The following TRAPPC9 variants were observed in gnomAD, a reference collection of about 807,000 sequenced individuals.
TRAPPC9 encodes trafficking protein particle complex subunit 9, also known as IKK2 binding protein.
Under a neutral mutation model 124.0 loss-of-function variants are expected in TRAPPC9, and 83 were observed. The observed-to-expected ratio is 0.67, with a 90% CI of 0.56 to 0.80. TRAPPC9 has a LOEUF of 0.80. Ranked by LOEUF, TRAPPC9 falls within the 30% of genes least tolerant of loss-of-function variation. TRAPPC9 has a pLI of 0.00. For synonymous variants in TRAPPC9, 638 were observed against 617.5 expected (o/e 1.03, Z -0.49); for missense variants, 1,302 against 1,508.3 (o/e 0.86, Z 2.27).
At position 139,884,449 on chromosome 8, in the gene TRAPPC9, C is replaced by T. The variant is rs148690859; in HGVS notation, c.3055+1430G>A. Among the ~76,000 whole-genome samples the T allele has an allele frequency of 6.9e-3, 1,049 of 152,330 alleles. 6 individuals carry two copies. The highest frequency in any genetic ancestry group is 0.014 in the Middle Eastern group (4 of 294). ...CCACCCCAAGTCACTCTGTTCTTTG[C>T]TCTTGGGCCCCTGTTCTGCCTGTGG... On this transcript the variant is annotated intron_variant, in intron 21 of 22. Transcript: ENST00000438773.
intron 7 of TRAPPC9, among the ~76,000 whole-genome samples, chr8:140,382,159 C>A (rs1207697227): frequency 6.6e-6 from 1 of 152,174 alleles, no homozygotes; most frequent in East Asian, 1.9e-4. Context: ...AATGAAGTGG[C>A]GGTTCCAAGA....
intron 12 of TRAPPC9, among the ~76,000 whole-genome samples, chr8:140,290,168 A>C (rs537973809): frequency 1.3e-5 from 2 of 152,258 alleles, no homozygotes; most frequent in South Asian, 4.1e-4. Context: ...CTGTCCCCTC[A>C]GGGCCTTGCC....
intron 21 of TRAPPC9, among the ~76,000 whole-genome samples, chr8:139,746,646 C>T (rs895618535): frequency 1.3e-5 from 2 of 152,206 alleles, no homozygotes; most frequent in Admixed American, 6.5e-5. Context: ...ACCAAGAACA[C>T]CATGAGATAT....
intron 19 of TRAPPC9, among the ~76,000 whole-genome samples, chr8:139,978,507 T>C (rs897196920): frequency 1.3e-5 from 2 of 152,208 alleles, no homozygotes; most frequent in African/African-American, 4.8e-5. Context: ...TGAAATAATA[T>C]GATTGATTGG....
rs538208103 is a variant in TRAPPC9, at chr8:139,834,124, G to A, written c.3055+51755C>T. Among the ~76,000 whole-genome samples, 12 of 152,300 alleles carry A rather than the reference G, an allele frequency of 7.9e-5. No homozygotes were observed. In the South Asian group the frequency reaches 2.5e-3, roughly 32 times the overall value. ...GTGCATAGAGTTGTTGTAAGCCTGA[G>A]GTGAGGTTCTGTGTACCCAGCGCCC... is the stretch of plus-strand genomic sequence containing the variant. On this transcript the variant is annotated intron_variant, in intron 21 of 22. Coordinates refer to ENST00000438773, the MANE Select transcript of TRAPPC9 (RefSeq NM_001160372.4).
In TRAPPC9 at chr8:139,988,772, T is replaced by A; in HGVS notation, c.2764A>T (p.Thr922Ser). 1 of 1,551,438 alleles carries A rather than the reference T, an allele frequency of 6.4e-7. No individual in the cohort carries two copies. The highest frequency in any genetic ancestry group is 8.7e-7 in the Non-Finnish European group (1 of 1,146,976). The change falls in exon 19 of 23, where the codon ACC (threonine) becomes TCC (serine). Residue 922 changes from threonine (T) to serine (S), a missense_variant. Around this residue, in one of 3 missense-constraint regions of TRAPPC9, gnomAD observed 640 missense variants for 679.3 expected, o/e 0.94. Transcript: ENST00000438773. The stretch of plus-strand genomic sequence containing the variant: ...AGGATGAGTGCCTCGCTGCTCCTGG[T>A]GCTGACGGTCAGCTCATGCTCGGTG... ...NSTEHELTVSTRSSEALILHA... is the reference protein window; with the variant it reads ...NSTEHELTVSSRSSEALILHA...
intron 17 of TRAPPC9, among the ~76,000 whole-genome samples, chr8:140,176,035 G>C (rs144408566): frequency 1.3e-5 from 2 of 152,192 alleles, no homozygotes; most frequent in African/African-American, 4.8e-5. Flanking sequence ...GGAAACCGTC[G>C]CAACTCAGTG....
chr8:139,891,954 GC>G (rs770209785), intron 20 of TRAPPC9, among the ~76,000 whole-genome samples: 1 of 152,244 alleles, frequency 6.6e-6, no homozygotes, highest in African/African-American at 2.4e-5. Flanking sequence ...AGCCCACTCT[GC>G]CCCCAGAGGC....
chr8:140,292,139 C>T (rs1339412172), intron 11 of TRAPPC9, among the ~76,000 whole-genome samples: 1 of 151,916 alleles, frequency 6.6e-6, no homozygotes, highest in Non-Finnish European at 1.5e-5. Context: ...TTTCCATCAC[C>T]CCCTCCTCCC....
At chr8:140,207,598 G>A (rs1402176194) in intron 17 of TRAPPC9, among the ~76,000 whole-genome samples, 61 of 152,328 alleles carry the variant, frequency 4.0e-4, no homozygotes, top group Non-Finnish European at 2.2e-4. Context: ...TAAGAGAATA[G>A]TTCGTGAGTC....
chr8:140,149,457 TA>T (rs2061509073), intron 17 of TRAPPC9, among the ~76,000 whole-genome samples: 1 of 151,936 alleles, frequency 6.6e-6, no homozygotes, highest in Non-Finnish European at 1.5e-5. Flanking sequence ...CTGTCTCTAC[TA>T]AAAATACAGA....
chr8:139,956,998 A>G (rs1369575968), intron 19 of TRAPPC9, among the ~76,000 whole-genome samples: 2 of 152,390 alleles, frequency 1.3e-5, no homozygotes, highest in East Asian at 3.9e-4. Context: ...CGGGAGGGAC[A>G]CGGCTTCAAA....
At position 140,257,819 on chromosome 8, in the gene TRAPPC9, C is replaced by T. The variant is rs2064305149; in HGVS notation, c.2279-4890G>A. On this transcript the variant is annotated intron_variant, in intron 15 of 22. Coordinates refer to ENST00000438773, the MANE Select transcript of TRAPPC9 (RefSeq NM_001160372.4). This position sits in a 1 kb window ranked among gnomAD's most constrained non-coding sequence, Gnocchi z 4.6. Reference sequence around the variant, plus strand: ...CCCGCCATGCCTGCAAACACCTGCACATGCCTCCAGGACAGGCTCCAGCAC... The same window carrying T: ...CCCGCCATGCCTGCAAACACCTGCATATGCCTCCAGGACAGGCTCCAGCAC... Among the ~76,000 whole-genome samples, 1 of 152,224 alleles carries T rather than the reference C, an allele frequency of 6.6e-6. No homozygotes were observed. The highest frequency in any genetic ancestry group is 1.9e-4 in the East Asian group (1 of 5,200).
intron 21 of TRAPPC9, among the ~76,000 whole-genome samples, chr8:139,838,724 T>C (rs1165034140): frequency 6.6e-6 from 1 of 152,190 alleles, no homozygotes; most frequent in African/African-American, 2.4e-5. Flanking sequence ...AGCAGCCTCA[T>C]GGAACACTCT....
At chr8:140,276,778 G>A (rs2065136954) in intron 14 of TRAPPC9, among the ~76,000 whole-genome samples, 1 of 152,056 alleles carries the variant, frequency 6.6e-6, no homozygotes, top group Non-Finnish European at 1.5e-5. Flanking sequence ...TTGGCCACAG[G>A]ACAAAGGGGC....
chr8:140,123,320 A>T (rs1197732283), intron 17 of TRAPPC9, among the ~76,000 whole-genome samples: 1 of 152,192 alleles, frequency 6.6e-6, no homozygotes, highest in African/African-American at 2.4e-5. Flanking sequence ...TCCCAAGTGG[A>T]TCTGTTTTTA....
chr8:139,789,187 G>T (rs11166929), intron 21 of TRAPPC9, among the ~76,000 whole-genome samples: 7 of 147,450 alleles, frequency 4.7e-5, no homozygotes, highest in African/African-American at 1.9e-4. Flanking sequence ...CGGCCTGCCC[G>T]GCGGGCGGGA....
rs2131713320 is a variant in TRAPPC9 at position 140,283,903 on chromosome 8, G to A, written c.2100C>T (p.Ser700=). The change falls in exon 14 of 23, where the codon AGC becomes AGT. Residue 700 remains serine, a synonymous_variant. Transcript: ENST00000438773. ...VIPALPRLQI[S]TSLPRSAHSL... is the part of the protein sequence containing the mutation. ...GTGCACACTACCTGGGCAGAGAGGT[G>A]CTGATCTGCAGTCTTGGCAACGCGG... The A allele has an allele frequency of 6.2e-7, 1 of 1,614,088 alleles. No homozygotes were observed.
At chr8:139,953,688 C>T (rs552982137) in intron 19 of TRAPPC9, among the ~76,000 whole-genome samples, 14 of 152,142 alleles carry the variant, frequency 9.2e-5, no homozygotes, top group Middle Eastern at 3.4e-3. Context: ...GAGTATGTGA[C>T]GATCTCAAAA....
Sources: allele counts gnomAD v4.1 joint callset (sites outside exome capture counted in the v4.1 genomes callset), GRCh38; gene constraint gnomAD v4.1.1; regional missense constraint gnomAD v4.1.1; non-coding constraint Gnocchi (gnomAD v3.1); transcripts MANE v1.5; gene names NCBI Gene and HGNC (gene_info 2026-07-23, HGNC 2026-07-21).